Variants in IL2RA observed in about 807,000 individuals in gnomAD.
IL2RA encodes interleukin 2 receptor subunit alpha, also known as interleukin-2 receptor subunit alpha.
In IL2RA, 24 loss-of-function variants were observed where a neutral mutation model predicts 37.8. The ratio of observed to expected loss-of-function variants is 0.63; its 90% CI spans 0.46 to 0.89. IL2RA has a LOEUF of 0.89. Ranked by LOEUF, IL2RA falls within the 40% of genes least tolerant of loss-of-function variation. IL2RA has a pLI of 0.00. For synonymous variants in IL2RA, 125 were observed against 114.6 expected, an observed-to-expected ratio of 1.09 and a Z score of -0.58; for missense variants, 319 against 348.6, an observed-to-expected ratio of 0.92 and a Z score of 0.68.
intron 1 of IL2RA, among the ~76,000 whole-genome samples, chr10:6,032,963 G>A (rs1035752453): frequency 6.6e-6 from 1 of 152,180 alleles, no homozygotes; most frequent in Non-Finnish European, 1.5e-5. Flanking sequence ...AGCCCATTGG[G>A]GAAATGGAGG....
chr10:6,019,946 G>T lies in IL2RA; in HGVS notation c.584-5C>A. On this transcript the variant is annotated splice_region_variant and splice_polypyrimidine_tract_variant and intron_variant, in intron 4 of 7. Coordinates refer to ENST00000379959, the MANE Select transcript of IL2RA (RefSeq NM_000417.3). ...TTGCCTGAGGCTTCTCTTCACCTGGGGGAGAGAGTAAGTGATGCTGGTGGA... is the reference window on the plus strand; with the variant it reads ...TTGCCTGAGGCTTCTCTTCACCTGGTGGAGAGAGTAAGTGATGCTGGTGGA... 6.2e-7 allele frequency: 1 copy of T among 1,610,922 alleles called. No homozygotes were observed.
Position 6,056,611 on chromosome 10 carries a change from A to G in IL2RA, c.64+5477T>C, listed in dbSNP as rs1840049415. ...CTACTAAAATTACAAAAAAGGAGCCAGGCATGGTGGTGCACACCTGTAATC... is the reference window on the plus strand; with the variant it reads ...CTACTAAAATTACAAAAAAGGAGCCGGGCATGGTGGTGCACACCTGTAATC... On this transcript the variant is annotated intron_variant, in intron 1 of 7. Transcript: ENST00000379959. The surrounding 1 kb of genome is among the most constrained non-coding windows in gnomAD (Gnocchi z 5.0). Among the ~76,000 whole-genome samples the G allele has an allele frequency of 6.6e-6, 1 of 152,116 alleles. No homozygotes were observed. The highest frequency in any genetic ancestry group is 2.1e-4 in the South Asian group (1 of 4,816).
rs11256433 is a variant in IL2RA at position 6,035,882 on chromosome 10, T to G, written c.65-9857A>C. 0.19 allele frequency: 29,278 copies of G among 152,322 alleles called. 3,103 individuals carry two copies. Among genetic ancestry groups the G allele is most frequent in the East Asian group, 0.26 (1,324 of 5,174 alleles). The allele number at this position is 152,322 out of a possible 1,614,324, so 9.4% of individuals were successfully genotyped here. ...GTCCTTTTCCACCTCACCTCCATCA[T>G]TGTGGCTGAAATACACGATCATGGG... On this transcript the variant is annotated intron_variant, in intron 1 of 7. Transcript: ENST00000379959. The surrounding 1 kb of genome is among the most constrained non-coding windows in gnomAD (Gnocchi z 5.4).
rs201993857 is a variant in IL2RA at position 6,051,832 on chromosome 10, T to TAGAGAGAGAGAG, written c.64+10255_64+10256insCTCTCTCTCTCT. Among the ~76,000 whole-genome samples, 130 of 113,674 alleles carry TAGAGAGAGAGAG rather than the reference T, an allele frequency of 1.1e-3. 11 individuals carry two copies. In the East Asian group the frequency reaches 0.028, roughly 25 times the overall value. 74.6% of individuals were successfully genotyped at this position (113,674 alleles called of 152,430 possible). The stretch of plus-strand genomic sequence containing the variant: ...TCATGCCCAGCTATATATATATATA[T>TAGAGAGAGAGAG]ATATATATATAGAATTTTTTAAGGA... On this transcript the variant is annotated intron_variant, in intron 1 of 7. Transcript: ENST00000379959.
At position 6,025,403 on chromosome 10, in the gene IL2RA, C is replaced by T. The variant is rs1839465784; in HGVS notation, c.256+431G>A. Among the ~76,000 whole-genome samples the T allele has an allele frequency of 6.6e-6, 1 of 151,190 alleles. No individual in the cohort carries two copies. The highest frequency in any genetic ancestry group is 2.1e-4 in the South Asian group (1 of 4,782). On this transcript the variant is annotated intron_variant, in intron 2 of 7. Coordinates refer to ENST00000379959, the MANE Select transcript of IL2RA (RefSeq NM_000417.3). This position sits in a 1 kb window ranked among gnomAD's most constrained non-coding sequence, Gnocchi z 4.4. ...GGGCACTGTGACTCATGCCTGTAAT[C>T]CCAGCATTTTGGGTGGCTGAGATGG...
At position 6,056,700 on chromosome 10, in the gene IL2RA, G is replaced by T. The variant is rs1840051046; in HGVS notation, c.64+5388C>A. ...ACCCAGGAGCTGAAGGTTGCAGTGAGTTGAGATTGCACCACTGTGCTCTAG... is the reference window on the plus strand; with the variant it reads ...ACCCAGGAGCTGAAGGTTGCAGTGATTTGAGATTGCACCACTGTGCTCTAG... On this transcript the variant is annotated intron_variant, in intron 1 of 7. Transcript: ENST00000379959. The surrounding 1 kb of genome is among the most constrained non-coding windows in gnomAD (Gnocchi z 5.0). Among the ~76,000 whole-genome samples the T allele has an allele frequency of 6.6e-6, 1 of 152,012 alleles. No homozygotes were observed. Among genetic ancestry groups the T allele is most frequent in the African/African-American group, 2.4e-5 (1 of 41,370 alleles).
chr10:6,031,036 A>G (rs975150443), intron 1 of IL2RA, among the ~76,000 whole-genome samples: 1 of 152,078 alleles, frequency 6.6e-6, no homozygotes, highest in Admixed American at 6.6e-5. Context: ...TGAAGAGAGA[A>G]AAGGAAGAAT....
At chr10:6,024,924 C>T (rs1839455749) in intron 2 of IL2RA, among the ~76,000 whole-genome samples, 1 of 152,186 alleles carries the variant, frequency 6.6e-6, no homozygotes, top group East Asian at 1.9e-4. Flanking sequence ...GATCAGTATT[C>T]CAGCTCAGGA....
At chr10:6,049,583 T>C (rs1474989298) in intron 1 of IL2RA, among the ~76,000 whole-genome samples, 1 of 152,198 alleles carries the variant, frequency 6.6e-6, no homozygotes, top group Non-Finnish European at 1.5e-5. Flanking sequence ...AGGTCTCCCA[T>C]TGGCTGTCAT....
chr10:6,026,268 T>C (rs952987741), intron 1 of IL2RA, among the ~76,000 whole-genome samples: 2 of 152,100 alleles, frequency 1.3e-5, no homozygotes, highest in Non-Finnish European at 1.5e-5. Flanking sequence ...TCAAACTAGA[T>C]GAGTAGAAAT....
rs911263528 is a variant in IL2RA at position 6,028,835 on chromosome 10, T to A, written c.65-2810A>T. ...CAGCATGGTGACATCCCATCTATACTAAAAATACAAAAGATCAGCCGAGTG... is the reference window on the plus strand; with the variant it reads ...CAGCATGGTGACATCCCATCTATACAAAAAATACAAAAGATCAGCCGAGTG... On this transcript the variant is annotated intron_variant, in intron 1 of 7. Coordinates refer to ENST00000379959, the MANE Select transcript of IL2RA (RefSeq NM_000417.3). The surrounding 1 kb of genome is among the most constrained non-coding windows in gnomAD (Gnocchi z 4.1). 1.8e-4 allele frequency among the ~76,000 whole-genome samples: 27 copies of A among 152,032 alleles called. No individual in the cohort carries two copies. Among genetic ancestry groups the A allele is most frequent in the Non-Finnish European group, 2.8e-4 (19 of 68,006 alleles).
chr10:6,021,387 C>T lies in IL2RA; in HGVS notation c.583+91G>A, dbSNP rs1050051268. ...GATCAAGGGTCTTGTCCAAGGACCA[C>T]TCTTGTCCAGCAGGAGTGGTCAGGG... is the stretch of plus-strand genomic sequence containing the variant. On this transcript the variant is annotated intron_variant, in intron 4 of 7. Coordinates refer to ENST00000379959, the MANE Select transcript of IL2RA (RefSeq NM_000417.3). The surrounding 1 kb of genome is among the most constrained non-coding windows in gnomAD (Gnocchi z 4.9). The T allele has an allele frequency of 4.6e-6, 5 of 1,093,196 alleles. No homozygotes were observed. In the East Asian group the frequency reaches 1.2e-4, roughly 26 times the overall value. 67.7% of individuals were successfully genotyped at this position (1,093,196 alleles called of 1,614,324 possible).
In IL2RA at chr10:6,033,735, G is replaced by C. The variant is rs897355530; in HGVS notation, c.65-7710C>G. Among the ~76,000 whole-genome samples, 3 of 152,190 alleles carry C rather than the reference G, an allele frequency of 2.0e-5. No individual in the cohort carries two copies. Among genetic ancestry groups the C allele is most frequent in the Non-Finnish European group, 4.4e-5 (3 of 68,036 alleles). ...TTCATTTATATGAAGTTCACAAAAA[G>C]ACAAAAGTTATATCCAGAGATAGAA... On this transcript the variant is annotated intron_variant, in intron 1 of 7. Transcript: ENST00000379959. The surrounding 1 kb of genome is among the most constrained non-coding windows in gnomAD (Gnocchi z 4.3).
intron 3 of IL2RA, among the ~76,000 whole-genome samples, chr10:6,023,382 C>T (rs1839420457): frequency 6.6e-6 from 1 of 152,152 alleles, no homozygotes; most frequent in African/African-American, 2.4e-5. Flanking sequence ...GTCACTCAGG[C>T]TGGAGTGCAG....
At chr10:6,059,382 A>T (rs2132907750) in intron 1 of IL2RA, among the ~76,000 whole-genome samples, 2 of 152,294 alleles carry the variant, frequency 1.3e-5, no homozygotes, top group Middle Eastern at 3.4e-3. Flanking sequence ...TGCTTCATCT[A>T]GGGGTTCATG....
In IL2RA at chr10:6,021,562, C is replaced by T. The variant is rs147791171; in HGVS notation, c.499G>A (p.Val167Ile). ...RALHRGPAES[V>I]CKMTHGKTRW... ...GTCTTCCCGTGGGTCATTTTGCAGACGCTCTCAGCAGGACCTCTGTGTAGA... is the reference window on the plus strand; with the variant it reads ...GTCTTCCCGTGGGTCATTTTGCAGATGCTCTCAGCAGGACCTCTGTGTAGA... Residue 167 changes from valine (V) to isoleucine (I), a missense_variant, in exon 4 of 8, where the codon GTC becomes ATC. Coordinates refer to ENST00000379959, the MANE Select transcript of IL2RA (RefSeq NM_000417.3). This position sits in a 1 kb window ranked among gnomAD's most constrained non-coding sequence, Gnocchi z 4.9. 81 of 1,614,018 alleles carry T rather than the reference C, an allele frequency of 5.0e-5. No individual in the cohort carries two copies. Among genetic ancestry groups the T allele is most frequent in the African/African-American group, 4.0e-4 (30 of 74,894 alleles).
At chr10:6,045,239 C>T (rs76402389) in intron 1 of IL2RA, among the ~76,000 whole-genome samples, 2 of 152,150 alleles carry the variant, frequency 1.3e-5, no homozygotes, top group South Asian at 2.1e-4. Flanking sequence ...TTTCCGTAAC[C>T]CTAAAATGAG....
chr10:6,038,592 T>C (rs1839725434), intron 1 of IL2RA, among the ~76,000 whole-genome samples: 1 of 152,244 alleles, frequency 6.6e-6, no homozygotes, highest in African/African-American at 2.4e-5. Context: ...GAAAGTCTAC[T>C]ATTGCTGCCC....
chr10:6,033,465 T>TA lies in IL2RA; in HGVS notation c.65-7441dup, dbSNP rs920328079. Among the ~76,000 whole-genome samples, 1 of 152,250 alleles carries TA rather than the reference T, an allele frequency of 6.6e-6. No individual in the cohort carries two copies. Among genetic ancestry groups the TA allele is most frequent in the Non-Finnish European group, 1.5e-5 (1 of 68,040 alleles). On this transcript the variant is annotated intron_variant, in intron 1 of 7. Transcript: ENST00000379959. This position sits in a 1 kb window ranked among gnomAD's most constrained non-coding sequence, Gnocchi z 4.3. Reference sequence around the variant, plus strand: ...AAAGACTTTTATAAAATATTTATAGTAACTTCTTTCTTTTATTAAGCCCCT... The same window carrying TA: ...AAAGACTTTTATAAAATATTTATAGTAAACTTCTTTCTTTTATTAAGCCCCT...
Sources: allele counts gnomAD v4.1 joint callset (sites outside exome capture counted in the v4.1 genomes callset), GRCh38; gene constraint gnomAD v4.1.1; non-coding constraint Gnocchi (gnomAD v3.1); transcripts MANE v1.5; gene names NCBI Gene and HGNC (gene_info 2026-07-23, HGNC 2026-07-21).